The following CACNA1C variants were observed in gnomAD, a reference collection of about 807,000 sequenced individuals.
CACNA1C encodes the protein calcium voltage-gated channel subunit alpha1 C, also known as voltage-dependent L-type calcium channel subunit alpha-1C.
In CACNA1C, 30 loss-of-function variants were observed where a neutral mutation model predicts 229.0. The ratio of observed to expected loss-of-function variants is 0.13; its 90% CI spans 0.10 to 0.18. The LOEUF (loss-of-function observed/expected upper bound fraction) is 0.18. CACNA1C is among the 10% of genes least tolerant of loss of function. CACNA1C has a pLI of 1.00. For synonymous variants in CACNA1C, 1,114 were observed against 1,132.5 expected (o/e 0.98, Z 0.33); for missense variants, 1,658 against 2,845.0 (o/e 0.58, Z 9.49).
At chr12:2,420,803 T>C (rs141705110) in intron 3 of CACNA1C, among the ~76,000 whole-genome samples, 1 of 152,198 alleles carries the variant, frequency 6.6e-6, no homozygotes, top group Non-Finnish European at 1.5e-5. Context: ...CTCACCTGGC[T>C]TCCATATCTG....
At chr12:1,978,234 C>A (rs2035035663) in intron 1 of CACNA1C, among the ~76,000 whole-genome samples, 1 of 152,182 alleles carries the variant, frequency 6.6e-6, no homozygotes, top group African/African-American at 2.4e-5. Context: ...TCAACTATTT[C>A]TATTACCTCA....
At chr12:2,221,448 C>T (rs1173302559) in intron 3 of CACNA1C, among the ~76,000 whole-genome samples, 2 of 152,110 alleles carry the variant, frequency 1.3e-5, no homozygotes, top group African/African-American at 4.8e-5. Context: ...ATGCAAGTGC[C>T]TGGGAGGCAG....
At chr12:2,310,156 AC>A (rs1309432100) in intron 3 of CACNA1C, among the ~76,000 whole-genome samples, 2 of 151,924 alleles carry the variant, frequency 1.3e-5, no homozygotes, top group African/African-American at 4.8e-5. Context: ...CCCTTTAACA[AC>A]CCCATCAGAT....
intron 38 of CACNA1C, among the ~76,000 whole-genome samples, chr12:2,671,605 G>A (rs1167760948): frequency 6.6e-6 from 1 of 152,202 alleles, no homozygotes; most frequent in African/African-American, 2.4e-5. Context: ...AAAAGGCAGG[G>A]AGGTATGGAA....
intron 29 of CACNA1C, among the ~76,000 whole-genome samples, chr12:2,621,268 G>A (rs929153017): frequency 6.6e-6 from 1 of 152,154 alleles, no homozygotes; most frequent in African/African-American, 2.4e-5. Context: ...AAGAGTGTGA[G>A]TGAAGAGGCA....
At chr12:2,349,963 T>C (rs1328530166) in intron 3 of CACNA1C, among the ~76,000 whole-genome samples, 2 of 150,998 alleles carry the variant, frequency 1.3e-5, no homozygotes, top group Non-Finnish European at 2.9e-5. Context: ...GCAGAGACAG[T>C]CAGAGAAAGA....
intron 10 of CACNA1C, among the ~76,000 whole-genome samples, chr12:2,551,316 A>G (rs1238107109): frequency 6.6e-6 from 1 of 152,168 alleles, no homozygotes; most frequent in Non-Finnish European, 1.5e-5. Flanking sequence ...CTCTGTTAGG[A>G]AGGAAACATG....
intron 3 of CACNA1C, among the ~76,000 whole-genome samples, chr12:2,335,510 AC>A (rs2096664989): frequency 1.3e-5 from 2 of 152,096 alleles, no homozygotes; most frequent in South Asian, 4.2e-4. Flanking sequence ...GCACCTTTCC[AC>A]GGGTGGCAGC....
chr12:2,511,732 G>C (rs750853002), intron 8 of CACNA1C, among the ~76,000 whole-genome samples: 1 of 152,146 alleles, frequency 6.6e-6, no homozygotes, highest in Non-Finnish European at 1.5e-5. Flanking sequence ...GTTGATGATT[G>C]CCTTCTCCTG....
intron 3 of CACNA1C, among the ~76,000 whole-genome samples, chr12:2,446,802 G>A (rs1263108331): frequency 2.0e-5 from 3 of 151,110 alleles, no homozygotes; most frequent in African/African-American, 7.3e-5. Context: ...GTGAGTGCAT[G>A]AAAAGATGGA....
intron 9 of CACNA1C, among the ~76,000 whole-genome samples, chr12:2,544,569 C>CTT (rs2099877634): frequency 6.6e-6 from 1 of 152,212 alleles, no homozygotes; most frequent in Non-Finnish European, 1.5e-5. Flanking sequence ...TCAAACACAT[C>CTT]TTTATTAATC....
intron 3 of CACNA1C, among the ~76,000 whole-genome samples, chr12:2,318,042 G>A (rs572079316): frequency 7.6e-4 from 116 of 152,328 alleles, no homozygotes; most frequent in Non-Finnish European, 1.1e-3. Flanking sequence ...GGGGCGAGCC[G>A]AGGGTCCAGG....
rs750955023 is a variant in CACNA1C at position 2,226,164 on chromosome 12, CACACACACAG to C, written c.477+105735_477+105744del. Among the ~76,000 whole-genome samples, 166 of 147,732 alleles carry C rather than the reference CACACACACAG, an allele frequency of 1.1e-3. 1 individual carries two copies. Among genetic ancestry groups the C allele is most frequent in the Middle Eastern group, 3.5e-3 (1 of 286 alleles). ...ACACACACACACACACACACACACA[CACACACACAG>C]TTTTCTTCATACAGGGGTAGTAAAA... On this transcript the variant is annotated intron_variant, in intron 3 of 46. Transcript: ENST00000399655.
intron 1 of CACNA1C, among the ~76,000 whole-genome samples, chr12:2,012,502 A>G (rs1376632374): frequency 6.6e-6 from 1 of 152,234 alleles, no homozygotes; most frequent in East Asian, 1.9e-4. Context: ...TCCTTTACAG[A>G]AAAAGGCTTT....
rs765303307 is a variant in CACNA1C at position 2,665,532 on chromosome 12, G to C, written c.4399-49G>C. 1 of 1,604,558 alleles carries C rather than the reference G, an allele frequency of 6.2e-7. No individual in the cohort carries two copies. Among genetic ancestry groups the C allele is most frequent in the Admixed American group, 1.7e-5 (1 of 59,564 alleles). ...GCTGGCAAGGGGGTTCCAGAGGCAGGTGTGTAGGAAGGTCTTCTCACAGCA... is the reference window on the plus strand; with the variant it reads ...GCTGGCAAGGGGGTTCCAGAGGCAGCTGTGTAGGAAGGTCTTCTCACAGCA... On this transcript the variant is annotated intron_variant, in intron 35 of 46. Transcript: ENST00000399655. This position sits in a 1 kb window ranked among gnomAD's most constrained non-coding sequence, Gnocchi z 5.9.
chr12:2,681,757 C>G (rs1371543475), intron 42 of CACNA1C, among the ~76,000 whole-genome samples: 1 of 152,186 alleles, frequency 6.6e-6, no homozygotes, highest in African/African-American at 2.4e-5. Context: ...AGCCAGGGCA[C>G]TGATTTAGCA....
intron 3 of CACNA1C, among the ~76,000 whole-genome samples, chr12:2,382,745 C>T (rs2239060): frequency 0.3 from 45,197 of 152,072 alleles, 7,520 homozygotes; most frequent in Non-Finnish European, 0.38. Flanking sequence ...CCCTGGGCAC[C>T]CTTTACCTCC....
At position 2,682,824 on chromosome 12, in the gene CACNA1C, T is replaced by C. The variant is rs1351646880; in HGVS notation, c.5573+146T>C. 7 of 374,236 alleles carry C rather than the reference T, an allele frequency of 1.9e-5. No individual in the cohort carries two copies. The East Asian group carries it at 3.9e-4, about 21-fold the overall frequency. The allele number at this position is 374,236 out of a possible 1,614,324, so 23.2% of individuals were successfully genotyped here. On this transcript the variant is annotated intron_variant, in intron 43 of 46. Transcript: ENST00000399655. ...GAAAACATCTGCACCGCCTCTTTCA[T>C]CTCCTCAGTGAAATGGGAGCCCCCC...
chr12:2,679,265 C>G lies in CACNA1C; in HGVS notation c.5092-179C>G, dbSNP rs1490998068. 6.6e-6 allele frequency among the ~76,000 whole-genome samples: 1 copy of G among 152,218 alleles called. No individual in the cohort carries two copies. On this transcript the variant is annotated intron_variant, in intron 41 of 46. Transcript: ENST00000399655. The surrounding 1 kb of genome is among the most constrained non-coding windows in gnomAD (Gnocchi z 5.5). ...ACTCCGGGTCCCTCCCTCTCTGGAG[C>G]AGCCAGGCATGAAGAAGGTCCTCAG...
Sources: allele counts gnomAD v4.1 joint callset (sites outside exome capture counted in the v4.1 genomes callset), GRCh38; gene constraint gnomAD v4.1.1; non-coding constraint Gnocchi (gnomAD v3.1); transcripts MANE v1.5; gene names NCBI Gene and HGNC (gene_info 2026-07-23, HGNC 2026-07-21).